UVRAG: variants seen among roughly 807,000 people sequenced by gnomAD.
UVRAG encodes the protein UV radiation resistance-associated gene protein.
In UVRAG, 19 loss-of-function variants were observed where a neutral mutation model predicts 78.0. The ratio of observed to expected loss-of-function variants is 0.24; its 90% CI spans 0.17 to 0.36. The LOEUF (loss-of-function observed/expected upper bound fraction) is 0.36, where lower values mean the gene tolerates loss of function less well. UVRAG is among the 10% of genes least tolerant of loss of function. The pLI is 1.00. For missense variants in UVRAG, 740 were observed against 853.8 expected, an observed-to-expected ratio of 0.87 and a Z score of 1.66; for synonymous variants, 323 against 324.6, an observed-to-expected ratio of 1.00 and a Z score of 0.05.
At chr11:76,004,795 A>T (rs1949896042) in intron 9 of UVRAG, among the ~76,000 whole-genome samples, 1 of 151,598 alleles carries the variant, frequency 6.6e-6, no homozygotes, top group African/African-American at 2.4e-5. Flanking sequence ...TGGCATTTTT[A>T]TCTTCTTAAT....
chr11:76,106,043 A>G (rs1951961898), intron 13 of UVRAG, among the ~76,000 whole-genome samples: 1 of 152,198 alleles, frequency 6.6e-6, no homozygotes, highest in South Asian at 2.1e-4. Context: ...ACCTATGTCC[A>G]CATACTTATA....
intron 7 of UVRAG, among the ~76,000 whole-genome samples, chr11:75,965,321 T>A (rs542405779): frequency 2.0e-5 from 3 of 152,318 alleles, no homozygotes; most frequent in African/African-American, 7.2e-5. Context: ...TATTTATTTA[T>A]TTAATTTTGA....
chr11:76,112,869 G>A (rs1020081663), intron 13 of UVRAG, among the ~76,000 whole-genome samples: 1 of 151,964 alleles, frequency 6.6e-6, no homozygotes. Context: ...TGGGACCATA[G>A]GCAAGCACCA....
intron 13 of UVRAG, among the ~76,000 whole-genome samples, chr11:76,071,599 C>A (rs926826797): frequency 6.6e-6 from 1 of 152,152 alleles, no homozygotes; most frequent in African/African-American, 2.4e-5. Context: ...ACCCACCCAT[C>A]TCCACATTCT....
intron 12 of UVRAG, among the ~76,000 whole-genome samples, chr11:76,022,044 A>G (rs1318043563): frequency 6.6e-6 from 1 of 151,912 alleles, no homozygotes; most frequent in East Asian, 1.9e-4. Context: ...ACAGAGCAAG[A>G]CCCTGTCTCA....
intron 7 of UVRAG, among the ~76,000 whole-genome samples, chr11:75,976,624 A>G (rs573539124): frequency 9.9e-5 from 15 of 151,498 alleles, no homozygotes; most frequent in South Asian, 2.1e-4. Flanking sequence ...GAATGTATCT[A>G]TTTCTTCTAG....
intron 6 of UVRAG, among the ~76,000 whole-genome samples, chr11:75,931,647 T>G (rs1056686902): frequency 3.3e-5 from 5 of 152,200 alleles, no homozygotes; most frequent in Non-Finnish European, 7.3e-5. Flanking sequence ...CACTTTCTAT[T>G]TTCCCTTATG....
intron 2 of UVRAG, among the ~76,000 whole-genome samples, chr11:75,858,580 A>G (rs1424810215): frequency 6.6e-6 from 1 of 152,160 alleles, no homozygotes; most frequent in Non-Finnish European, 1.5e-5. Context: ...ACTTTATAAT[A>G]CATTGTTTTG....
intron 3 of UVRAG, among the ~76,000 whole-genome samples, chr11:75,875,474 T>G (rs1035798477): frequency 5.3e-5 from 8 of 152,088 alleles, no homozygotes; most frequent in South Asian, 2.1e-4. Flanking sequence ...GAATTAGTTT[T>G]TTTTTTTTTT....
intron 12 of UVRAG, among the ~76,000 whole-genome samples, chr11:76,025,050 A>G (rs745729735): frequency 3.3e-5 from 5 of 152,172 alleles, no homozygotes; most frequent in Non-Finnish European, 7.3e-5. Context: ...GCTGGAAGAG[A>G]AAAAGACCGA....
chr11:76,016,550 T>C (rs567475492), intron 11 of UVRAG, among the ~76,000 whole-genome samples: 15 of 152,254 alleles, frequency 9.9e-5, no homozygotes, highest in African/African-American at 3.6e-4. Flanking sequence ...TTGGACATAG[T>C]AAGAGTTCTT....
At chr11:75,936,555 A>G (rs529341984) in intron 6 of UVRAG, among the ~76,000 whole-genome samples, 13 of 152,148 alleles carry the variant, frequency 8.5e-5, no homozygotes, top group South Asian at 2.1e-4. Flanking sequence ...TTGATACTCA[A>G]ATCACTCCAG....
chr11:76,136,631 G>T (rs1952602041), intron 14 of UVRAG, among the ~76,000 whole-genome samples: 2 of 150,148 alleles, frequency 1.3e-5, no homozygotes, highest in Non-Finnish European at 2.9e-5. Context: ...CACAGTTGCT[G>T]GGACTACAAG....
chr11:76,051,893 C>G (rs775877673), intron 12 of UVRAG, among the ~76,000 whole-genome samples: 25 of 152,170 alleles, frequency 1.6e-4, no homozygotes, highest in Non-Finnish European at 2.9e-5. Context: ...TAGAGATCAG[C>G]CCATGGTCTG....
At chr11:76,037,159 A>G (rs1050539077) in intron 12 of UVRAG, among the ~76,000 whole-genome samples, 5 of 152,154 alleles carry the variant, frequency 3.3e-5, no homozygotes, top group Non-Finnish European at 7.4e-5. Flanking sequence ...ATAGAAGAAA[A>G]CAAAAGTTAT....
At chr11:75,877,305 C>G (rs1029582969) in intron 3 of UVRAG, among the ~76,000 whole-genome samples, 3 of 152,208 alleles carry the variant, frequency 2.0e-5, no homozygotes, top group African/African-American at 4.8e-5. Flanking sequence ...CACCTTTCCC[C>G]GCTTTCTATT....
intron 13 of UVRAG, among the ~76,000 whole-genome samples, chr11:76,102,171 C>T (rs1036014334): frequency 1.3e-5 from 2 of 152,158 alleles, no homozygotes; most frequent in African/African-American, 2.4e-5. Flanking sequence ...TTGCTTTAGG[C>T]AATGTGGCCT....
chr11:75,906,010 A>G (rs931088613), intron 5 of UVRAG, among the ~76,000 whole-genome samples: 2 of 152,026 alleles, frequency 1.3e-5, no homozygotes, highest in Non-Finnish European at 2.9e-5. Flanking sequence ...TATTTGGAGA[A>G]ATGTCTCTTG....
intron 1 of UVRAG, among the ~76,000 whole-genome samples, chr11:75,845,490 A>G: frequency 6.6e-6 from 1 of 152,218 alleles, no homozygotes; most frequent in Non-Finnish European, 1.5e-5. Context: ...ATGGAATACT[A>G]CACAGCCAGA....
Sources: gnomAD v4.1 joint callset for allele counts (sites outside exome capture counted in the v4.1 genomes callset) on GRCh38, gnomAD v4.1.1 for gene constraint, MANE v1.5 for transcripts, NCBI Gene and HGNC (gene_info 2026-07-23, HGNC 2026-07-21) for gene names.